The following KAZN variants were observed in gnomAD, a reference collection of about 807,000 sequenced individuals.
KAZN encodes kazrin, periplakin interacting protein, also known as kazrin.
In KAZN, 40 loss-of-function variants were observed where a neutral mutation model predicts 87.4. The ratio of observed to expected loss-of-function variants is 0.46; its 90% CI spans 0.36 to 0.60. The LOEUF (loss-of-function observed/expected upper bound fraction) is 0.60. Among genes scored for constraint, KAZN ranks in the 20% least tolerant of loss-of-function variants. The pLI is 0.00. For missense variants in KAZN, 898 were observed against 1,073.9 expected (o/e 0.84, Z 2.29); for synonymous variants, 466 against 458.3 (o/e 1.02, Z -0.22).
intron 1 of KAZN, among the ~76,000 whole-genome samples, chr1:13,918,155 G>T (rs1270313367): frequency 1.3e-5 from 2 of 152,238 alleles, no homozygotes; most frequent in African/African-American, 4.8e-5. Context: ...GTCACAGATA[G>T]TGATTCCTCT....
At chr1:14,020,419 C>T (rs1640769792) in intron 1 of KAZN, among the ~76,000 whole-genome samples, 1 of 152,180 alleles carries the variant, frequency 6.6e-6, no homozygotes, top group Non-Finnish European at 1.5e-5. Context: ...TTTCACTTCA[C>T]CCCCATCCCT....
chr1:15,080,557 C>A (rs1373226914), intron 8 of KAZN, among the ~76,000 whole-genome samples: 4 of 152,236 alleles, frequency 2.6e-5, no homozygotes, highest in Admixed American at 2.6e-4. Flanking sequence ...AAGCCTTTCA[C>A]ACATTTCATA....
At chr1:14,585,562 T>G (rs1439681861) in intron 2 of KAZN, among the ~76,000 whole-genome samples, 3 of 152,174 alleles carry the variant, frequency 2.0e-5, no homozygotes, top group Non-Finnish European at 4.4e-5. Flanking sequence ...TCAAGGTCCC[T>G]GCTTGCTGCA....
In KAZN at chr1:14,735,317, C is replaced by T. The variant is rs1643869020; in HGVS notation, c.226+136094C>T. Among the ~76,000 whole-genome samples the T allele has an allele frequency of 6.6e-6, 1 of 152,240 alleles. No homozygotes were observed. Among genetic ancestry groups the T allele is most frequent in the South Asian group, 2.1e-4 (1 of 4,834 alleles). On this transcript the variant is annotated intron_variant, in intron 1 of 14. Coordinates refer to ENST00000376030, the MANE Select transcript of KAZN (RefSeq NM_201628.3). The surrounding 1 kb of genome is among the most constrained non-coding windows in gnomAD (Gnocchi z 4.3). The stretch of plus-strand genomic sequence containing the variant: ...CCTCGTGATCCGCCCGCCTCGGCCT[C>T]CCAAAGTGCTGGGATTACAGGCGTG...
intron 1 of KAZN, among the ~76,000 whole-genome samples, chr1:14,169,838 G>C (rs1396212017): frequency 6.6e-6 from 1 of 152,158 alleles, no homozygotes; most frequent in African/African-American, 2.4e-5. Context: ...GTGACAGAGA[G>C]AAAAGTGATA....
At chr1:14,400,363 A>G (rs891910891) in intron 2 of KAZN, among the ~76,000 whole-genome samples, 1 of 152,220 alleles carries the variant, frequency 6.6e-6, no homozygotes, top group African/African-American at 2.4e-5. Context: ...AAATTGTAGG[A>G]CTAGAAAGAC....
intron 1 of KAZN, among the ~76,000 whole-genome samples, chr1:13,982,104 C>A (rs373194156): frequency 5.3e-5 from 8 of 152,102 alleles, no homozygotes; most frequent in African/African-American, 9.7e-5. Context: ...GGCAAAGGTC[C>A]AGGGCCTAGA....
Position 14,856,393 on chromosome 1 carries a change from T to C in KAZN, c.227-104291T>C, listed in dbSNP as rs557754563. 1.3e-5 allele frequency among the ~76,000 whole-genome samples: 2 copies of C among 152,302 alleles called. No homozygotes were observed. Among genetic ancestry groups the C allele is most frequent in the South Asian group, 4.2e-4 (2 of 4,816 alleles). ...AAGTGAAGATTCAATGCTAAGGAAT[T>C]TTGAAGAAGGAGGCAATATTTCCAT... On this transcript the variant is annotated intron_variant, in intron 1 of 14. Coordinates refer to ENST00000376030, the MANE Select transcript of KAZN (RefSeq NM_201628.3). This position sits in a 1 kb window ranked among gnomAD's most constrained non-coding sequence, Gnocchi z 5.2.
chr1:14,408,169 G>A (rs934204044), intron 2 of KAZN, among the ~76,000 whole-genome samples: 2 of 152,204 alleles, frequency 1.3e-5, no homozygotes, highest in African/African-American at 2.4e-5. Flanking sequence ...CTCTGCAAAT[G>A]CTTACATTTT....
chr1:14,662,518 T>C (rs1468493438), intron 1 of KAZN, among the ~76,000 whole-genome samples: 2 of 152,132 alleles, frequency 1.3e-5, no homozygotes, highest in African/African-American at 2.4e-5. Flanking sequence ...CCAGGCACCA[T>C]TCCTAGCAGC....
chr1:14,103,824 T>C, intron 1 of KAZN, among the ~76,000 whole-genome samples: 1 of 152,152 alleles, frequency 6.6e-6, no homozygotes, highest in East Asian at 1.9e-4. Context: ...TAAGGTATCA[T>C]ATGCACAGGT....
At chr1:14,418,912 T>C (rs1195026023) in intron 2 of KAZN, among the ~76,000 whole-genome samples, 2 of 152,210 alleles carry the variant, frequency 1.3e-5, no homozygotes, top group Non-Finnish European at 2.9e-5. Context: ...AAATGATGGC[T>C]GGATGGGGGT....
At chr1:14,273,090 C>T (rs904810530) in intron 2 of KAZN, among the ~76,000 whole-genome samples, 3 of 151,980 alleles carry the variant, frequency 2.0e-5, no homozygotes, top group Non-Finnish European at 4.4e-5. Context: ...GGATGAAACA[C>T]GGATCAGACT....
intron 2 of KAZN, among the ~76,000 whole-genome samples, chr1:14,290,552 C>T (rs186581406): frequency 4.5e-4 from 69 of 152,322 alleles, no homozygotes; most frequent in African/African-American, 1.6e-3. Flanking sequence ...CTTCTCTACA[C>T]TGTTTGTTCT....
At chr1:15,048,983 T>C (rs897124005) in intron 4 of KAZN, among the ~76,000 whole-genome samples, 1 of 152,188 alleles carries the variant, frequency 6.6e-6, no homozygotes, top group Non-Finnish European at 1.5e-5. Flanking sequence ...CCAGAACAGT[T>C]GCATCTCCCC....
At chr1:14,831,339 T>TCTG (rs565802471) in intron 1 of KAZN, among the ~76,000 whole-genome samples, 138 of 152,188 alleles carry the variant, frequency 9.1e-4, no homozygotes, top group African/African-American at 2.3e-3. Context: ...TCCCAGTTCC[T>TCTG]CTGCTGCTGC....
At chr1:14,541,873 G>A (rs1489667482) in intron 2 of KAZN, among the ~76,000 whole-genome samples, 4 of 152,314 alleles carry the variant, frequency 2.6e-5, no homozygotes, top group African/African-American at 7.2e-5. Context: ...GTCACATTGA[G>A]GTGTTTCATC....
At chr1:14,466,893 C>CAGGAGG (rs1036905362) in intron 2 of KAZN, among the ~76,000 whole-genome samples, 1 of 151,992 alleles carries the variant, frequency 6.6e-6, no homozygotes, top group African/African-American at 2.4e-5. Flanking sequence ...GGCGTGAACC[C>CAGGAGG]AGGAGGTGGA....
chr1:14,166,878 C>G (rs1362997504), intron 1 of KAZN, among the ~76,000 whole-genome samples: 1 of 152,218 alleles, frequency 6.6e-6, no homozygotes, highest in Non-Finnish European at 1.5e-5. Flanking sequence ...TCAGACTACT[C>G]ATTCTCCTCC....
Sources: gnomAD v4.1 joint callset for allele counts (sites outside exome capture counted in the v4.1 genomes callset) on GRCh38, gnomAD v4.1.1 for gene constraint, Gnocchi (gnomAD v3.1) non-coding constraint, MANE v1.5 for transcripts, NCBI Gene and HGNC (gene_info 2026-07-23, HGNC 2026-07-21) for gene names.